FUT8: variants seen among roughly 807,000 people sequenced by gnomAD.
FUT8 encodes fucosyltransferase 8.
A neutral mutation model predicts 71.3 loss-of-function variants in FUT8; 29 were observed. The observed-to-expected ratio is 0.41, with a 90% confidence interval of 0.30 to 0.55. The LOEUF is 0.55. Among genes scored for constraint, FUT8 ranks in the 20% least tolerant of loss-of-function variants. The pLI, the probability that FUT8 is intolerant of heterozygous loss-of-function variation, is 0.34. For synonymous variants in FUT8, 254 were observed against 239.3 expected (o/e 1.06, Z -0.57); for missense variants, 544 against 702.1 (o/e 0.77, Z 2.55).
Position 65,654,363 on chromosome 14 carries a change from C to T in FUT8, c.598-14880C>T, listed in dbSNP as rs1041288505. On this transcript the variant is annotated intron_variant, in intron 6 of 10. Transcript: ENST00000673929. ...CTGCACTCTGGAAGGCCAAGGCAGGCGGATCACCTGAGGTCAGGAGTTGGA... is the reference window on the plus strand; with the variant it reads ...CTGCACTCTGGAAGGCCAAGGCAGGTGGATCACCTGAGGTCAGGAGTTGGA... Among the ~76,000 whole-genome samples the T allele has an allele frequency of 5.9e-5, 9 of 152,098 alleles. 1 individual carries two copies. Among genetic ancestry groups the T allele is most frequent in the Non-Finnish European group, 8.8e-5 (6 of 68,022 alleles).
the FUT8 span, among the ~76,000 whole-genome samples, chr14:65,368,804 G>A: frequency 6.6e-6 from 1 of 152,066 alleles, no homozygotes; most frequent in African/African-American, 2.4e-5. Flanking sequence ...TTACAGGCAT[G>A]AGCCACCGCG....
chr14:65,379,503 C>G, the FUT8 span, among the ~76,000 whole-genome samples: 7 of 151,986 alleles, frequency 4.6e-5, no homozygotes, highest in African/African-American at 1.7e-4. Flanking sequence ...GCACTCCAGC[C>G]TGGGCAACAG....
intron 7 of FUT8, among the ~76,000 whole-genome samples, chr14:65,705,374 T>C (rs180977082): frequency 4.6e-5 from 7 of 152,328 alleles, no homozygotes; most frequent in Admixed American, 4.6e-4. Context: ...GTCATCATTG[T>C]TGAAATCCCA....
At chr14:65,373,791 T>C in the FUT8 span, among the ~76,000 whole-genome samples, 1 of 152,200 alleles carries the variant, frequency 6.6e-6, no homozygotes, top group South Asian at 2.1e-4. Context: ...TAGCTGCTAA[T>C]GCGCCAAAAG....
At chr14:65,425,691 T>C (rs1435536267) in intron 1 of FUT8, among the ~76,000 whole-genome samples, 2 of 152,154 alleles carry the variant, frequency 1.3e-5, no homozygotes, top group South Asian at 2.1e-4. Flanking sequence ...TAAAATCTCC[T>C]TTCTGGCTGG....
At chr14:65,463,339 T>A (rs1312882864) in intron 2 of FUT8, among the ~76,000 whole-genome samples, 1 of 152,142 alleles carries the variant, frequency 6.6e-6, no homozygotes, top group Non-Finnish European at 1.5e-5. Context: ...CAGTCACGGC[T>A]CACTGCAGCC....
At chr14:65,706,712 C>G (rs1894574022) in intron 7 of FUT8, among the ~76,000 whole-genome samples, 1 of 152,034 alleles carries the variant, frequency 6.6e-6, no homozygotes, top group Non-Finnish European at 1.5e-5. Flanking sequence ...AGTTATTAAT[C>G]CCATTCATGA....
At chr14:65,546,312 C>T (rs567626478) in intron 2 of FUT8, among the ~76,000 whole-genome samples, 4 of 151,868 alleles carry the variant, frequency 2.6e-5, no homozygotes, top group East Asian at 3.8e-4. Context: ...AGTCATTAGG[C>T]TATTCAAGTA....
At chr14:65,720,810 C>T (rs1024929524) in intron 7 of FUT8, among the ~76,000 whole-genome samples, 1 of 152,192 alleles carries the variant, frequency 6.6e-6, no homozygotes. Flanking sequence ...TGGACATTTC[C>T]CCTCTGGCTA....
intron 2 of FUT8, among the ~76,000 whole-genome samples, chr14:65,486,424 C>G (rs1296725222): frequency 6.6e-6 from 1 of 152,128 alleles, no homozygotes; most frequent in Non-Finnish European, 1.5e-5. Flanking sequence ...CTTGGCATTA[C>G]TGGATGGGAG....
At chr14:65,659,194 GT>G (rs148547545) in intron 6 of FUT8, among the ~76,000 whole-genome samples, 22 of 149,564 alleles carry the variant, frequency 1.5e-4, no homozygotes, top group Middle Eastern at 3.5e-3. Context: ...TTTTTGTTTT[GT>G]TTTTTTTTCA....
chr14:65,725,249 A>C (rs989454249), intron 9 of FUT8, among the ~76,000 whole-genome samples: 1 of 152,200 alleles, frequency 6.6e-6, no homozygotes, highest in Non-Finnish European at 1.5e-5. Context: ...CCTGTATTTC[A>C]GGCACTGTGC....
chr14:65,411,944 G>C, upstream of FUT8: 1 of 441,216 alleles, frequency 2.3e-6, no homozygotes. Flanking sequence ...GCAGCCCTTC[G>C]GTCCACTGCT....
chr14:65,722,410 C>G (rs905475181), intron 8 of FUT8, among the ~76,000 whole-genome samples: 1 of 152,150 alleles, frequency 6.6e-6, no homozygotes, highest in African/African-American at 2.4e-5. Flanking sequence ...CCTCAGCCTC[C>G]CAAGTATAAT....
chr14:65,410,925 G>T (rs1376641940), upstream of FUT8: 1 of 151,708 alleles, frequency 6.6e-6, no homozygotes, highest in Non-Finnish European at 1.5e-5. Flanking sequence ...AAAAAGTTAC[G>T]CTTGCTTGTT....
At chr14:65,449,989 C>T (rs1174022964) in intron 1 of FUT8, among the ~76,000 whole-genome samples, 2 of 152,224 alleles carry the variant, frequency 1.3e-5, no homozygotes, top group Non-Finnish European at 2.9e-5. Flanking sequence ...AATTTCACCA[C>T]TGATAGAGTT....
At chr14:65,679,770 G>A (rs910424622) in intron 7 of FUT8, among the ~76,000 whole-genome samples, 2 of 152,134 alleles carry the variant, frequency 1.3e-5, no homozygotes, top group African/African-American at 4.8e-5. Flanking sequence ...GGGGATGGTG[G>A]CAAAGCTACA....
At chr14:65,455,956 T>C (rs74056779) in intron 2 of FUT8, among the ~76,000 whole-genome samples, 2,098 of 152,302 alleles carry the variant, frequency 0.014, 32 homozygotes, top group African/African-American at 0.039. Context: ...TTTTGTACTT[T>C]AAATTATGGG....
At chr14:65,453,719 A>T (rs539641911) in intron 1 of FUT8, among the ~76,000 whole-genome samples, 1 of 152,210 alleles carries the variant, frequency 6.6e-6, no homozygotes, top group Admixed American at 6.5e-5. Context: ...CTCCTGGAGG[A>T]TGTTTTTTGT....
Sources: gnomAD v4.1 joint callset for allele counts (sites outside exome capture counted in the v4.1 genomes callset) on GRCh38, gnomAD v4.1.1 for gene constraint, MANE v1.5 for transcripts, NCBI Gene and HGNC (gene_info 2026-07-23, HGNC 2026-07-21) for gene names.